The following DMTF1 variants were observed in gnomAD, a reference collection of about 807,000 sequenced individuals.
DMTF1 encodes cyclin D binding myb like transcription factor 1, also known as cyclin-D-binding Myb-like transcription factor 1.
Under a neutral mutation model 91.1 loss-of-function variants are expected in DMTF1, and 39 were observed. The observed-to-expected ratio is 0.43, with a 90% CI of 0.33 to 0.56. The LOEUF is 0.56. Among genes scored for constraint, DMTF1 ranks in the 20% least tolerant of loss-of-function variants. The pLI is 0.05. For missense variants in DMTF1, 750 were observed against 914.5 expected (o/e 0.82, Z 2.32); for synonymous variants, 338 against 309.5 (o/e 1.09, Z -0.97).
rs1250130187 is a variant in DMTF1, at chr7:87,194,741, A to G, written c.2086A>G (p.Ile696Val). ...TGATCAAACAATTGATGATGAAACA[A>G]TACTTATCGTTCCTTCACCACATGG... ...QVDQTIDDET[I>V]LIVPSPHGFI... is the part of the protein sequence containing the mutation. Residue 696 changes from isoleucine (I) to valine (V), a missense_variant, in exon 17 of 18, where the codon ATA becomes GTA. Transcript: ENST00000331242. 1 of 1,611,636 alleles carries G rather than the reference A, an allele frequency of 6.2e-7. No homozygotes were observed. Among genetic ancestry groups the G allele is most frequent in the Non-Finnish European group, 8.5e-7 (1 of 1,178,296 alleles).
In DMTF1 at chr7:87,194,671, TAA is replaced by T. The variant is rs1584494899; in HGVS notation, c.2029-12_2029-11del. 3 of 1,582,412 alleles carry T rather than the reference TAA, an allele frequency of 1.9e-6. No individual in the cohort carries two copies. Among genetic ancestry groups the T allele is most frequent in the Admixed American group, 1.7e-5 (1 of 58,454 alleles). On this transcript the variant is annotated splice_polypyrimidine_tract_variant and intron_variant, in intron 16 of 17. Coordinates refer to ENST00000331242, the MANE Select transcript of DMTF1 (RefSeq NM_001142327.2). Reference sequence around the variant, plus strand: ...AGAATATGAGTCAATATTTTTTTTTTAATGTTATTTAGGGTTTAGAGTCTCCC... The same window carrying T: ...AGAATATGAGTCAATATTTTTTTTTTTGTTATTTAGGGTTTAGAGTCTCCC...
intron 12 of DMTF1, chr7:87,187,827 T>C: frequency 2.2e-6 from 1 of 456,172 alleles, no homozygotes; most frequent in Non-Finnish European, 3.9e-6. Flanking sequence ...GTTTCCATGT[T>C]CTTTGTAATG....
intron 1 of DMTF1, among the ~76,000 whole-genome samples, chr7:87,160,299 A>C (rs1584199752): frequency 6.7e-6 from 1 of 149,824 alleles, no homozygotes; most frequent in Non-Finnish European, 1.5e-5. Context: ...TTTTTGACGA[A>C]GTCTCACTCT....
intron 16 of DMTF1, chr7:87,194,444 A>ATTGT: frequency 2.1e-6 from 1 of 485,676 alleles, no homozygotes; most frequent in South Asian, 3.7e-5. Flanking sequence ...CTGTAACAGC[A>ATTGT]TTGTTTCTTC....
At chr7:87,184,069 G>A (rs1797924854) in intron 10 of DMTF1, among the ~76,000 whole-genome samples, 1 of 152,152 alleles carries the variant, frequency 6.6e-6, no homozygotes, top group Admixed American at 6.5e-5. Flanking sequence ...AGCCATTGAC[G>A]AAGCTCTTCC....
intron 10 of DMTF1, among the ~76,000 whole-genome samples, chr7:87,183,490 A>G (rs911822473): frequency 3.9e-5 from 6 of 152,212 alleles, no homozygotes; most frequent in Non-Finnish European, 5.9e-5. Context: ...CACAGTCTCA[A>G]AGTAGTCCCA....
At chr7:87,188,884 T>A (rs1457957265) in intron 13 of DMTF1, among the ~76,000 whole-genome samples, 1 of 152,128 alleles carries the variant, frequency 6.6e-6, no homozygotes, top group Non-Finnish European at 1.5e-5. Flanking sequence ...GTCAAATTGA[T>A]CTTTATCCCT....
chr7:87,155,622 C>T (rs1324419300), intron 1 of DMTF1: 1 of 152,122 alleles, frequency 6.6e-6, no homozygotes, highest in Non-Finnish European at 1.5e-5. Context: ...ATGGTGCTTT[C>T]ATTTTGTGAA....
intron 11 of DMTF1, among the ~76,000 whole-genome samples, chr7:87,185,298 G>A (rs4728685): frequency 0.7 from 106,245 of 152,052 alleles, 38,018 homozygotes; most frequent in Middle Eastern, 0.86. Flanking sequence ...GCTAGAAAAC[G>A]AACAGATTTT....
Position 87,184,599 on chromosome 7 carries a change from G to A in DMTF1, c.1023G>A (p.Lys341=), listed in dbSNP as rs1227055064. The change falls in exon 11 of 18, where the codon AAG becomes AAA. Residue 341 remains lysine, a synonymous_variant. Coordinates refer to ENST00000331242, the MANE Select transcript of DMTF1 (RefSeq NM_001142327.2). Reference sequence around the variant, plus strand: ...AGAGTGGGGGTACTGAATGGACCAAGGAAGATGAAATCAATCTCATCCTCA... The same window carrying A: ...AGAGTGGGGGTACTGAATGGACCAAAGAAGATGAAATCAATCTCATCCTCA... ...WKQSGGTEWT[K]EDEINLILRI... is the part of the protein sequence containing the mutation. 2 of 1,613,732 alleles carry A rather than the reference G, an allele frequency of 1.2e-6. No homozygotes were observed. Among genetic ancestry groups the A allele is most frequent in the Admixed American group, 1.7e-5 (1 of 59,960 alleles).
chr7:87,186,511 T>C (rs896881638), intron 12 of DMTF1: 7 of 153,128 alleles, frequency 4.6e-5, no homozygotes, highest in African/African-American at 1.7e-4. Flanking sequence ...GGCTTCCCAA[T>C]GTGCTGGGAT....
chr7:87,193,237 C>G lies in DMTF1; in HGVS notation c.1534C>G (p.Leu512Val). The G allele has an allele frequency of 1.9e-6, 3 of 1,613,386 alleles. No individual in the cohort carries two copies. The highest frequency in any genetic ancestry group is 1.3e-5 in the African/African-American group (1 of 74,966). The stretch of plus-strand genomic sequence containing the variant: ...GCCCACTGGCACTCCAGGCACCTAC[C>G]TACTTCAAACAAGCTCAAGCCAAGG... Reference protein sequence around the residue: ...LQPTGTPGTYLLQTSSSQGLP... With the variant: ...LQPTGTPGTYVLQTSSSQGLP... Residue 512 changes from leucine (L) to valine (V), a missense_variant, in exon 15 of 18, where the codon CTA becomes GTA. Leu to Val is a conservative substitution (Grantham distance 32, BLOSUM62 1). Coordinates refer to ENST00000331242, the MANE Select transcript of DMTF1 (RefSeq NM_001142327.2).
At position 87,182,315 on chromosome 7, in the gene DMTF1, G is replaced by A; in HGVS notation, c.798G>A (p.Leu266=). Residue 266 remains leucine (L), a synonymous_variant, in exon 10 of 18, where the codon CTG becomes CTA. Coordinates refer to ENST00000331242, the MANE Select transcript of DMTF1 (RefSeq NM_001142327.2). ...SASSVKDRCR[L]MKDTCNTGKW... is the part of the protein sequence containing the mutation. ...CTTCTGTCAAAGATCGGTGCCGACT[G>A]ATGAAGGATACTTGCAACACAGGTA... 6.2e-7 allele frequency: 1 copy of A among 1,614,080 alleles called. No individual in the cohort carries two copies. The highest frequency in any genetic ancestry group is 8.5e-7 in the Non-Finnish European group (1 of 1,179,974).
At position 87,195,113 on chromosome 7, in the gene DMTF1, T is replaced by C. The variant is rs757384419; in HGVS notation, c.2256T>C (p.Asp752=). 4.3e-6 allele frequency: 7 copies of C among 1,611,502 alleles called. No homozygotes were observed. The highest frequency in any genetic ancestry group is 5.9e-6 in the Non-Finnish European group (7 of 1,178,392). ...GTCCTGTTTCAGAAGATTCAAAGGA[T>C]GTCGAAGATTTGGTAAACTGTCATT... ...LGSPVSEDSK[D]VEDLVNCH is the part of the protein sequence containing the mutation. Residue 752 remains aspartate, a synonymous_variant, in exon 18 of 18, where the codon GAT becomes GAC. Transcript: ENST00000331242.
intron 13 of DMTF1, among the ~76,000 whole-genome samples, chr7:87,188,672 T>A (rs1799025457): frequency 6.6e-6 from 1 of 152,104 alleles, no homozygotes; most frequent in South Asian, 2.1e-4. Context: ...TGTAGTAATT[T>A]CACTAGAAGA....
chr7:87,179,921 G>C (rs1796978082), intron 8 of DMTF1, among the ~76,000 whole-genome samples: 1 of 151,988 alleles, frequency 6.6e-6, no homozygotes, highest in South Asian at 2.1e-4. Context: ...TTTAAGACTT[G>C]GCTTACTTAA....
intron 16 of DMTF1, chr7:87,194,443 CATTGT>C: frequency 2.1e-6 from 1 of 484,936 alleles, no homozygotes; most frequent in Non-Finnish European, 3.6e-6. Context: ...ACTGTAACAG[CATTGT>C]TTCTTCTGTT....
At chr7:87,188,677 A>G (rs549314177) in intron 13 of DMTF1, among the ~76,000 whole-genome samples, 1 of 152,274 alleles carries the variant, frequency 6.6e-6, no homozygotes, top group South Asian at 2.1e-4. Flanking sequence ...TAATTTCACT[A>G]GAAGACATAT....
chr7:87,154,504 C>G (rs1485336392), intron 1 of DMTF1: 1 of 152,626 alleles, frequency 6.6e-6, no homozygotes, highest in Non-Finnish European at 1.5e-5. Context: ...AATGCTATTG[C>G]CCTGTCTTCA....
Sources: allele counts gnomAD v4.1 joint callset (sites outside exome capture counted in the v4.1 genomes callset), GRCh38; gene constraint gnomAD v4.1.1; transcripts MANE v1.5; gene names NCBI Gene and HGNC (gene_info 2026-07-23, HGNC 2026-07-21).